PLCE1: variants seen among roughly 807,000 people sequenced by gnomAD.
PLCE1 encodes the protein 1-phosphatidylinositol 4,5-bisphosphate phosphodiesterase epsilon-1.
Under a neutral mutation model 242.8 loss-of-function variants are expected in PLCE1, and 119 were observed. The observed-to-expected ratio is 0.49, with a 90% CI of 0.42 to 0.57. PLCE1 has a LOEUF of 0.57. Among genes scored for constraint, PLCE1 ranks in the 20% least tolerant of loss-of-function variants. The pLI is 0.00. For missense variants in PLCE1, 2,441 were observed against 2,788.8 expected (o/e 0.88, Z 2.81); for synonymous variants, 945 against 1,017.4 (o/e 0.93, Z 1.35).
At position 94,265,579 on chromosome 10, in the gene PLCE1, G is replaced by A. The variant is rs2051484206; in HGVS notation, c.4054-68G>A. On this transcript the variant is annotated intron_variant, in intron 14 of 32. Transcript: ENST00000371380. ...AAACAGAACAGCTTTAAAAAATGATGTGGTGGTTTCTTTCCCCCTCTTAGT... is the reference window on the plus strand; with the variant it reads ...AAACAGAACAGCTTTAAAAAATGATATGGTGGTTTCTTTCCCCCTCTTAGT... 4 of 1,263,744 alleles carry A rather than the reference G, an allele frequency of 3.2e-6. No homozygotes were observed. The South Asian group carries it at 3.6e-5, about 11-fold the overall frequency. 78.3% of individuals were successfully genotyped at this position (1,263,744 alleles called of 1,614,324 possible). A position where few individuals can be genotyped will look rare whatever the true frequency, so the allele number is the denominator to read the frequency against.
intron 32 of PLCE1, among the ~76,000 whole-genome samples, chr10:94,326,500 C>T (rs1038284148): frequency 2.6e-5 from 4 of 152,108 alleles, no homozygotes; most frequent in African/African-American, 9.7e-5. Flanking sequence ...TTATACACAC[C>T]TCTATAACTT....
At chr10:94,045,198 C>T (rs2061854372) in intron 2 of PLCE1, among the ~76,000 whole-genome samples, 1 of 152,010 alleles carries the variant, frequency 6.6e-6, no homozygotes. Context: ...GAGACTGGGT[C>T]TTGTTTTGTT....
intron 4 of PLCE1, among the ~76,000 whole-genome samples, chr10:94,198,175 C>T (rs2048884370): frequency 1.3e-5 from 2 of 152,028 alleles, no homozygotes; most frequent in Admixed American, 6.5e-5. Flanking sequence ...TAAGAGCCCA[C>T]TTCCAAGTAT....
chr10:94,008,015 CA>C (rs928194148), intron 1 of PLCE1, among the ~76,000 whole-genome samples: 11 of 148,710 alleles, frequency 7.4e-5, no homozygotes, highest in Non-Finnish European at 1.0e-4. Flanking sequence ...CCCATCTCTC[CA>C]AAAAAAAGAA....
chr10:94,280,116 G>A, intron 20 of PLCE1: 1 of 596,656 alleles, frequency 1.7e-6, no homozygotes, highest in Non-Finnish European at 3.0e-6. Flanking sequence ...AGAAGAGGCA[G>A]GTGTGGGAAG....
chr10:94,307,446 G>T (rs1173716412), intron 26 of PLCE1, among the ~76,000 whole-genome samples: 1 of 152,154 alleles, frequency 6.6e-6, no homozygotes, highest in Non-Finnish European at 1.5e-5. Flanking sequence ...TCCTACTTTT[G>T]TGATCTTTTC....
At chr10:94,079,727 T>C (rs1354631462) in intron 2 of PLCE1, among the ~76,000 whole-genome samples, 1 of 152,246 alleles carries the variant, frequency 6.6e-6, no homozygotes, top group Admixed American at 6.5e-5. Context: ...TTCTGACTTC[T>C]GAATTTTTTT....
At chr10:94,193,437 G>A (rs909423004) in intron 4 of PLCE1, among the ~76,000 whole-genome samples, 10 of 152,166 alleles carry the variant, frequency 6.6e-5, no homozygotes, top group African/African-American at 2.4e-4. Flanking sequence ...AGAAGTTTGT[G>A]GCAGAAGGGA....
intron 11 of PLCE1, among the ~76,000 whole-genome samples, chr10:94,255,914 ACTCTCTCTCTCTCTCTCTCTCT>A (rs111704161): frequency 1.5e-5 from 1 of 67,286 alleles, no homozygotes; most frequent in African/African-American, 6.2e-5. Context: ...ACACACACAC[ACTCTCTCTCTCTCTCTCTCTCT>A]CTCTCTCTCT....
At chr10:94,049,311 C>T (rs1246894417) in intron 2 of PLCE1, among the ~76,000 whole-genome samples, 1 of 152,128 alleles carries the variant, frequency 6.6e-6, no homozygotes, top group Non-Finnish European at 1.5e-5. Flanking sequence ...ACATCGAATT[C>T]CCTAACCCAT....
intron 4 of PLCE1, among the ~76,000 whole-genome samples, chr10:94,183,073 TC>T (rs1434680639): frequency 6.6e-6 from 1 of 152,216 alleles, no homozygotes; most frequent in Non-Finnish European, 1.5e-5. Flanking sequence ...TCAGCTTTGG[TC>T]AGAGATTAGG....
intron 4 of PLCE1, among the ~76,000 whole-genome samples, chr10:94,214,353 C>T (rs191284040): frequency 6.6e-6 from 1 of 152,324 alleles, no homozygotes; most frequent in East Asian, 1.9e-4. Context: ...CATACACTCT[C>T]TTCCCCACTG....
chr10:94,263,524 A>G (rs1426531175), intron 14 of PLCE1, among the ~76,000 whole-genome samples: 1 of 151,150 alleles, frequency 6.6e-6, no homozygotes, highest in Non-Finnish European at 1.5e-5. Flanking sequence ...AAAAAAAAAA[A>G]AAAAAAGAAA....
At chr10:94,250,373 G>T (rs370204218) in intron 8 of PLCE1, among the ~76,000 whole-genome samples, 37 of 151,762 alleles carry the variant, frequency 2.4e-4, no homozygotes, top group African/African-American at 8.9e-4. Context: ...GTGGTGGTAC[G>T]CACCTGTAAT....
At chr10:94,021,477 A>C (rs1589866218) in intron 1 of PLCE1, among the ~76,000 whole-genome samples, 2 of 151,110 alleles carry the variant, frequency 1.3e-5, no homozygotes, top group Admixed American at 1.3e-4. Context: ...TTTTGTTTTT[A>C]TTTGAATCCA....
chr10:94,163,994 G>T (rs2047707348), intron 3 of PLCE1, among the ~76,000 whole-genome samples: 1 of 152,126 alleles, frequency 6.6e-6, no homozygotes, highest in South Asian at 2.1e-4. Context: ...CTCCCTTCTG[G>T]CTTGTAGAGT....
chr10:94,103,672 T>G (rs2045622262), intron 2 of PLCE1, among the ~76,000 whole-genome samples: 1 of 152,330 alleles, frequency 6.6e-6, no homozygotes, highest in Non-Finnish European at 1.5e-5. Context: ...GAAAGAAATT[T>G]GCTGTAGGCA....
In PLCE1 at chr10:94,284,979, A is replaced by G. The variant is rs2052383645; in HGVS notation, c.5035+14A>G. On this transcript the variant is annotated intron_variant, in intron 22 of 32. Transcript: ENST00000371380. Reference sequence around the variant, plus strand: ...TAAAATTTCCAGGTAAGATTAGGCAATATCATCTATAACTTTTAAAGATAT... The same window carrying G: ...TAAAATTTCCAGGTAAGATTAGGCAGTATCATCTATAACTTTTAAAGATAT... 1 of 1,309,272 alleles carries G rather than the reference A, an allele frequency of 7.6e-7. No homozygotes were observed. Among genetic ancestry groups the G allele is most frequent in the Non-Finnish European group, 1.1e-6 (1 of 901,704 alleles). The allele number at this position is 1,309,272 out of a possible 1,614,324, so 81.1% of individuals were successfully genotyped here.
chr10:94,124,426 G>A (rs1423909216), intron 2 of PLCE1, among the ~76,000 whole-genome samples: 1 of 151,432 alleles, frequency 6.6e-6, no homozygotes, highest in Non-Finnish European at 1.5e-5. Flanking sequence ...AGAAAGCAAG[G>A]AAGTATGGAT....
Sources: allele counts gnomAD v4.1 joint callset (sites outside exome capture counted in the v4.1 genomes callset), GRCh38; gene constraint gnomAD v4.1.1; transcripts MANE v1.5; gene names NCBI Gene and HGNC (gene_info 2026-07-23, HGNC 2026-07-21).